Variants in GAK observed in about 807,000 individuals in gnomAD.
GAK encodes the protein cyclin G associated kinase, also known as cyclin-G-associated kinase.
GAK carries 79 observed loss-of-function variants against 143.9 expected under a neutral mutation model. The ratio of observed to expected loss-of-function variants is 0.55; its 90% CI spans 0.46 to 0.66. The LOEUF (loss-of-function observed/expected upper bound fraction) is 0.66, where lower values mean the gene tolerates loss of function less well. GAK is among the 30% of genes least tolerant of loss of function. GAK has a pLI of 0.00. For synonymous variants in GAK, 881 were observed against 765.5 expected, an observed-to-expected ratio of 1.15 and a Z score of -2.49; for missense variants, 1,693 against 1,779.7, an observed-to-expected ratio of 0.95 and a Z score of 0.88.
Position 893,446 on chromosome 4 carries a change from G to C in GAK, c.921C>G (p.Ala307=). The change falls in exon 9 of 28, where the codon GCC becomes GCG. Residue 307 remains alanine, a synonymous_variant. Coordinates refer to ENST00000314167, the MANE Select transcript of GAK (RefSeq NM_005255.4). ...TCTCCTGCAGCTGGTGCACCACCTCGGCGATGGACAGCCGCTCCTCCGGGT... is the reference window on the plus strand; with the variant it reads ...TCTCCTGCAGCTGGTGCACCACCTCCGCGATGGACAGCCGCTCCTCCGGGT... ...QVNPEERLSI[A]EVVHQLQEIA... 6.3e-7 allele frequency: 1 copy of C among 1,592,864 alleles called. No individual in the cohort carries two copies. Among genetic ancestry groups the C allele is most frequent in the Non-Finnish European group, 8.5e-7 (1 of 1,170,468 alleles).
At chr4:920,537 C>A (rs976688377) in intron 1 of GAK, among the ~76,000 whole-genome samples, 3 of 77,474 alleles carry the variant, frequency 3.9e-5, no homozygotes, top group Admixed American at 1.1e-4. Context: ...AGGTTTAGAG[C>A]CATTTTTTTT....
At chr4:854,015 C>T (rs943130414) in intron 24 of GAK, among the ~76,000 whole-genome samples, 2 of 152,000 alleles carry the variant, frequency 1.3e-5, no homozygotes, top group African/African-American at 4.8e-5. Flanking sequence ...TCAGGCTGGT[C>T]GCGAACTCCC....
At chr4:862,672 G>C (rs995772085) in intron 23 of GAK, among the ~76,000 whole-genome samples, 3 of 148,482 alleles carry the variant, frequency 2.0e-5, no homozygotes, top group East Asian at 4.0e-4. Flanking sequence ...AAAAAAAAAA[G>C]GATTCTAAAT....
In GAK at chr4:888,980, G is replaced by A; in HGVS notation, c.1082-10C>T. The A allele has an allele frequency of 6.2e-7, 1 of 1,608,986 alleles. No homozygotes were observed. Among genetic ancestry groups the A allele is most frequent in the Non-Finnish European group, 8.5e-7 (1 of 1,178,998 alleles). ...TCCGCCAGCGCCAGGCCTGCAGGGA[G>A]ACACAGTCTCAGCAGGCCCCAGGTG... is the stretch of plus-strand genomic sequence containing the variant. On this transcript the variant is annotated splice_polypyrimidine_tract_variant and intron_variant, in intron 10 of 27. Transcript: ENST00000314167.
intron 26 of GAK, chr4:850,301 C>T: frequency 2.3e-6 from 1 of 440,598 alleles, no homozygotes. Context: ...GAGGGACCCT[C>T]GTCTCAGCCA....
chr4:865,774 G>A (rs547665159), intron 22 of GAK, among the ~76,000 whole-genome samples: 3 of 152,350 alleles, frequency 2.0e-5, no homozygotes, highest in East Asian at 3.9e-4. Context: ...AGAGTACGCC[G>A]TGGACCACGC....
intron 4 of GAK, among the ~76,000 whole-genome samples, chr4:907,966 G>GGGTC (rs1340994040): frequency 6.6e-6 from 1 of 152,086 alleles, no homozygotes. Flanking sequence ...CAGGGTCAGC[G>GGGTC]ATGAGCCGCT....
intron 10 of GAK, among the ~76,000 whole-genome samples, chr4:890,275 T>G (rs1442258600): frequency 1.3e-5 from 2 of 152,154 alleles, no homozygotes; most frequent in Non-Finnish European, 2.9e-5. Context: ...CCCTGGAGCC[T>G]CTTCCCTTGG....
intron 24 of GAK, chr4:852,446 CT>C (rs79401443): frequency 0.34 from 55,708 of 163,424 alleles, 9,539 homozygotes; most frequent in South Asian, 0.38. Context: ...GATCCCGTAA[CT>C]TTTTTTTTTT....
At chr4:864,390 C>T (rs574797552) in intron 23 of GAK, among the ~76,000 whole-genome samples, 1 of 152,196 alleles carries the variant, frequency 6.6e-6, no homozygotes, top group African/African-American at 2.4e-5. Context: ...AAACCCCACA[C>T]AAAAAACCCC....
At chr4:884,796 C>T (rs190041568) in intron 11 of GAK, among the ~76,000 whole-genome samples, 1 of 152,354 alleles carries the variant, frequency 6.6e-6, no homozygotes, top group Admixed American at 6.5e-5. Flanking sequence ...CAGGACAGAG[C>T]AGGCCGGAGG....
At chr4:882,077 C>T (rs1175831960) in intron 14 of GAK, 37 bp from the exon 15 acceptor site, 2 of 1,565,534 alleles carry the variant, frequency 1.3e-6, no homozygotes, top group South Asian at 2.3e-5. Context: ...GCGCCTCGCA[C>T]TCATGCAGGA....
intron 5 of GAK, among the ~76,000 whole-genome samples, chr4:903,074 C>T (rs916240296): frequency 1.3e-5 from 2 of 152,120 alleles, no homozygotes; most frequent in African/African-American, 2.4e-5. Context: ...GAAGCAGCCA[C>T]ATCACATGGA....
chr4:855,499 C>A (rs565637951), intron 24 of GAK, among the ~76,000 whole-genome samples: 1 of 152,290 alleles, frequency 6.6e-6, no homozygotes, highest in East Asian at 1.9e-4. Context: ...GCTTCAGAGT[C>A]CCTGCGCAGA....
rs1266063081 is a variant in GAK at position 895,032 on chromosome 4, T to C, written c.742-1023A>G. ...AAATAAATAAAGGTTCCTTTCAAAA[T>C]TCCGGGGTTCCCACACTCATGCACT... On this transcript the variant is annotated intron_variant, in intron 7 of 27. Transcript: ENST00000314167. Among the ~76,000 whole-genome samples the C allele has an allele frequency of 5.3e-5, 8 of 152,084 alleles. No homozygotes were observed. In the East Asian group the frequency reaches 1.5e-3, roughly 29 times the overall value.
At position 859,694 on chromosome 4, in the gene GAK, C is replaced by A. The variant is rs140272764; in HGVS notation, c.3195G>T (p.Pro1065=). The change falls in exon 24 of 28, where the codon CCG becomes CCT. Residue 1065 remains proline, a synonymous_variant. Transcript: ENST00000314167. Reference sequence around the variant, plus strand: ...AGCTGGCCTGAGAGCCACAAGGGGCCGGCTGACCTCCAGGAGAGAAGAGGG... The same window carrying A: ...AGCTGGCCTGAGAGCCACAAGGGGCAGGCTGACCTCCAGGAGAGAAGAGGG... ...EGPLFSPGGQ[P]APCGSQASWT... 4 of 1,598,438 alleles carry A rather than the reference C, an allele frequency of 2.5e-6. No individual in the cohort carries two copies. Among genetic ancestry groups the A allele is most frequent in the East Asian group, 4.5e-5 (2 of 44,356 alleles).
chr4:918,502 CTA>C (rs887826312), intron 1 of GAK, among the ~76,000 whole-genome samples: 1 of 152,254 alleles, frequency 6.6e-6, no homozygotes, highest in Non-Finnish European at 1.5e-5. Flanking sequence ...AACACGGTGA[CTA>C]TACAGTTACT....
intron 18 of GAK, among the ~76,000 whole-genome samples, chr4:874,775 T>A (rs1713486948): frequency 6.6e-6 from 1 of 152,200 alleles, no homozygotes; most frequent in Non-Finnish European, 1.5e-5. Flanking sequence ...TTTCAAGTAT[T>A]ATTTCTGTTC....
rs1577098132 is a variant in GAK at position 870,874 on chromosome 4, T to C, written c.2085A>G (p.Glu695=). 4 of 1,613,760 alleles carry C rather than the reference T, an allele frequency of 2.5e-6. No homozygotes were observed. Among genetic ancestry groups the C allele is most frequent in the Non-Finnish European group, 3.4e-6 (4 of 1,179,872 alleles). The change falls in exon 19 of 28, where the codon GAA becomes GAG. Residue 695 remains glutamate (E), a synonymous_variant. Coordinates refer to ENST00000314167, the MANE Select transcript of GAK (RefSeq NM_005255.4). ...TCACTTGAAATAAATCCGGGTATTTTTCTTGAATGTCACACGCGTCCAGGT... is the reference window on the plus strand; with the variant it reads ...TCACTTGAAATAAATCCGGGTATTTCTCTTGAATGTCACACGCGTCCAGGT... The part of the protein sequence containing the change: ...KYDLDACDIQ[E]KYPDLFQVNL...
Sources: allele counts gnomAD v4.1 joint callset (sites outside exome capture counted in the v4.1 genomes callset), GRCh38; gene constraint gnomAD v4.1.1; transcripts MANE v1.5; gene names NCBI Gene and HGNC (gene_info 2026-07-23, HGNC 2026-07-21).